The following CTNNA2 variants were observed in gnomAD, a reference collection of about 807,000 sequenced individuals.
CTNNA2 encodes catenin alpha 2, also known as catenin alpha-2.
CTNNA2 carries 42 observed loss-of-function variants against 101.0 expected under a neutral mutation model. The ratio of observed to expected loss-of-function variants is 0.42; its 90% CI spans 0.32 to 0.54. CTNNA2 has a LOEUF of 0.54. Ranked by LOEUF, CTNNA2 falls within the 20% of genes least tolerant of loss-of-function variation. The pLI is 0.14. For synonymous variants in CTNNA2, 450 were observed against 456.4 expected, an observed-to-expected ratio of 0.99 and a Z score of 0.18; for missense variants, 871 against 1,223.1, an observed-to-expected ratio of 0.71 and a Z score of 4.29.
intron 4 of CTNNA2, among the ~76,000 whole-genome samples, chr2:79,422,370 G>A (rs1301973363): frequency 6.6e-6 from 1 of 152,072 alleles, no homozygotes; most frequent in African/African-American, 2.4e-5. Flanking sequence ...CTAGAAGAGG[G>A]TGAGCTACTC....
intron 9 of CTNNA2, among the ~76,000 whole-genome samples, chr2:80,461,801 T>C (rs1684452790): frequency 6.6e-6 from 1 of 152,204 alleles, no homozygotes; most frequent in African/African-American, 2.4e-5. Context: ...ATGTCGACTT[T>C]TTCCAGAAGT....
At chr2:80,423,932 G>A (rs895123190) in intron 9 of CTNNA2, among the ~76,000 whole-genome samples, 2 of 152,094 alleles carry the variant, frequency 1.3e-5, no homozygotes, top group African/African-American at 4.8e-5. Context: ...GGGAAGGGTA[G>A]GACTGACTTA....
intron 7 of CTNNA2, among the ~76,000 whole-genome samples, chr2:80,054,267 C>T (rs1572955535): frequency 6.6e-6 from 1 of 152,154 alleles, no homozygotes; most frequent in Admixed American, 6.5e-5. Flanking sequence ...ACAACTCCAG[C>T]GGGTTTGTGT....
chr2:79,913,661 G>A (rs1318521584), intron 7 of CTNNA2, among the ~76,000 whole-genome samples: 3 of 152,052 alleles, frequency 2.0e-5, no homozygotes, highest in Non-Finnish European at 4.4e-5. Context: ...AATAGAAGTG[G>A]CATAAAGTAT....
intron 1 of CTNNA2, among the ~76,000 whole-genome samples, chr2:79,606,049 G>A (rs2104137896): frequency 6.6e-6 from 1 of 152,064 alleles, no homozygotes; most frequent in East Asian, 1.9e-4. Flanking sequence ...AAAAAATAAA[G>A]GAAACATAAA....
intron 4 of CTNNA2, among the ~76,000 whole-genome samples, chr2:79,455,072 G>C (rs953491590): frequency 6.6e-6 from 1 of 152,076 alleles, no homozygotes. Context: ...TTGAAAGCTA[G>C]AACAGTAAAA....
At chr2:79,679,195 C>G in intron 2 of CTNNA2, among the ~76,000 whole-genome samples, 1 of 152,126 alleles carries the variant, frequency 6.6e-6, no homozygotes, top group East Asian at 1.9e-4. Flanking sequence ...CCTGGTGTAT[C>G]TAAAATATAG....
At chr2:80,022,702 G>A (rs560063171) in intron 7 of CTNNA2, among the ~76,000 whole-genome samples, 1 of 152,180 alleles carries the variant, frequency 6.6e-6, no homozygotes, top group South Asian at 2.1e-4. Flanking sequence ...TGACAATGTT[G>A]TCTTTCTCAT....
At chr2:80,247,261 A>C (rs1671396146) in intron 7 of CTNNA2, among the ~76,000 whole-genome samples, 2 of 152,152 alleles carry the variant, frequency 1.3e-5, no homozygotes, top group African/African-American at 2.4e-5. Context: ...AAGAACATTA[A>C]ATTGGGAAGC....
chr2:79,786,049 A>G (rs924119238), intron 3 of CTNNA2, among the ~76,000 whole-genome samples: 9 of 152,186 alleles, frequency 5.9e-5, no homozygotes, highest in African/African-American at 2.2e-4. Flanking sequence ...TGCATATTCC[A>G]TAGGGAAACA....
chr2:79,661,865 A>T lies in CTNNA2; in HGVS notation c.102+10207A>T, dbSNP rs1038246196. Among the ~76,000 whole-genome samples the T allele has an allele frequency of 5.3e-5, 8 of 152,234 alleles. No individual in the cohort carries two copies. In the East Asian group the frequency reaches 1.4e-3, roughly 26 times the overall value. ...TTTATTTTCTTACAGATTAAAAAAA[A>T]GATAGATCACATAATTAAAGGTCTA... On this transcript the variant is annotated intron_variant, in intron 2 of 18. Transcript: ENST00000402739.
chr2:80,488,650 T>G (rs1686789248), intron 9 of CTNNA2, among the ~76,000 whole-genome samples: 3 of 152,282 alleles, frequency 2.0e-5, no homozygotes, highest in Non-Finnish European at 4.4e-5. Flanking sequence ...CAGTTTCCAT[T>G]CTAATACAGT....
In CTNNA2 at chr2:79,921,443, CT is replaced by C. The variant is rs1353183782; in HGVS notation, c.1056+11648del. Among the ~76,000 whole-genome samples the C allele has an allele frequency of 9.2e-5, 14 of 152,280 alleles. No individual in the cohort carries two copies. The South Asian group carries it at 2.9e-3, about 32-fold the overall frequency. On this transcript the variant is annotated intron_variant, in intron 7 of 18. Transcript: ENST00000402739. Reference sequence around the variant, plus strand: ...ACTCGTGAAGCTGGATAGTTAATCTCTTCTTTGAATTCCTTAGAAACAGATG... The same window carrying C: ...ACTCGTGAAGCTGGATAGTTAATCTCTCTTTGAATTCCTTAGAAACAGATG...
At chr2:80,231,594 T>C (rs1383162791) in intron 7 of CTNNA2, among the ~76,000 whole-genome samples, 2 of 152,182 alleles carry the variant, frequency 1.3e-5, no homozygotes, top group African/African-American at 4.8e-5. Flanking sequence ...TCATTATACT[T>C]TCCTCCTCTT....
intron 1 of CTNNA2, among the ~76,000 whole-genome samples, chr2:79,607,148 T>C (rs2099207): frequency 0.13 from 20,364 of 152,158 alleles, 2,294 homozygotes; most frequent in African/African-American, 0.31. Context: ...TTAGAAAAAG[T>C]AGATTTCAGA....
chr2:79,591,863 T>G (rs1172294239), intron 1 of CTNNA2, among the ~76,000 whole-genome samples: 3 of 152,002 alleles, frequency 2.0e-5, no homozygotes, highest in Non-Finnish European at 4.4e-5. Context: ...GATTTGTTAT[T>G]TTGGAAGCTG....
At chr2:80,438,163 C>T (rs1251975663) in intron 9 of CTNNA2, among the ~76,000 whole-genome samples, 1 of 152,184 alleles carries the variant, frequency 6.6e-6, no homozygotes, top group Non-Finnish European at 1.5e-5. Context: ...GATGCCATCT[C>T]ACGGCGCCCT....
intron 9 of CTNNA2, among the ~76,000 whole-genome samples, chr2:80,456,208 C>A (rs1574080750): frequency 6.6e-6 from 1 of 152,108 alleles, no homozygotes; most frequent in South Asian, 2.1e-4. Flanking sequence ...ACATGGAGTA[C>A]CCGGGTTGTA....
At chr2:80,222,125 A>C (rs542857899) in intron 7 of CTNNA2, among the ~76,000 whole-genome samples, 4 of 152,254 alleles carry the variant, frequency 2.6e-5, no homozygotes, top group African/African-American at 9.6e-5. Context: ...GTCAATACAC[A>C]GTGAGATAGG....
Sources: allele counts gnomAD v4.1 joint callset (sites outside exome capture counted in the v4.1 genomes callset), GRCh38; gene constraint gnomAD v4.1.1; transcripts MANE v1.5; gene names NCBI Gene and HGNC (gene_info 2026-07-23, HGNC 2026-07-21).